The following ANO1 variants were observed in gnomAD, a reference collection of about 807,000 sequenced individuals.
The protein encoded by ANO1 is anoctamin-1.
ANO1 carries 59 observed loss-of-function variants against 124.0 expected under a neutral mutation model. The observed-to-expected ratio is 0.48, with a 90% CI of 0.39 to 0.59. The LOEUF (loss-of-function observed/expected upper bound fraction) is 0.59, where lower values mean the gene tolerates loss of function less well. ANO1 is among the 20% of genes least tolerant of loss of function. The pLI, the probability that ANO1 is intolerant of heterozygous loss-of-function variation, is 0.00. For synonymous variants in ANO1, 529 were observed against 532.0 expected (o/e 0.99, Z 0.08); for missense variants, 1,059 against 1,328.0 (o/e 0.80, Z 3.15).
At chr11:70,103,768 G>C (rs542767166) in intron 3 of ANO1, among the ~76,000 whole-genome samples, 1 of 152,296 alleles carries the variant, frequency 6.6e-6, no homozygotes, top group Admixed American at 6.5e-5. Context: ...GTTTAGCGGG[G>C]AAGTTCTCTG....
At chr11:70,072,484 A>C (rs1051830463) in intron 1 of ANO1, 4 of 152,228 alleles carry the variant, frequency 2.6e-5, no homozygotes, top group Admixed American at 6.5e-5. Flanking sequence ...AGGGTTTTGC[A>C]GGAAAGCGTC....
In ANO1 at chr11:70,161,369, G is replaced by A; in HGVS notation, c.1780+7G>A. ...CGATGGCTCACCAAGATCGGTGAGTGCCCATGTTCCAGGTACTGTGGCCTG... is the reference window on the plus strand; with the variant it reads ...CGATGGCTCACCAAGATCGGTGAGTACCCATGTTCCAGGTACTGTGGCCTG... On this transcript the variant is annotated splice_region_variant and intron_variant, in intron 17 of 25. Coordinates refer to ENST00000355303, the MANE Select transcript of ANO1 (RefSeq NM_018043.7). 6.2e-7 allele frequency: 1 copy of A among 1,613,268 alleles called. No individual in the cohort carries two copies. Among genetic ancestry groups the A allele is most frequent in the Non-Finnish European group, 8.5e-7 (1 of 1,179,350 alleles).
chr11:69,976,808 G>T, the ANO1 span, among the ~76,000 whole-genome samples: 43 of 152,226 alleles, frequency 2.8e-4, no homozygotes, highest in Admixed American at 2.8e-3. Context: ...AGTCACCTTG[G>T]CTGCCAGGCC....
intron 20 of ANO1, among the ~76,000 whole-genome samples, chr11:70,166,270 A>G (rs763670073): frequency 2.1e-4 from 32 of 152,344 alleles, no homozygotes; most frequent in Non-Finnish European, 3.5e-4. Context: ...GTGAGCCGAG[A>G]TCGCACCACT....
intron 22 of ANO1, among the ~76,000 whole-genome samples, chr11:70,172,170 T>C (rs2048504774): frequency 6.7e-6 from 1 of 148,600 alleles, no homozygotes; most frequent in African/African-American, 2.5e-5. Flanking sequence ...GTAACTTTAA[T>C]AGTCAGAGGT....
intron 2 of ANO1, among the ~76,000 whole-genome samples, chr11:70,090,591 T>C (rs924395124): frequency 1.3e-5 from 2 of 152,226 alleles, no homozygotes; most frequent in Non-Finnish European, 2.9e-5. Flanking sequence ...TGTCATATAT[T>C]ATTGTTCATA....
At chr11:70,024,692 A>G (rs1303213773) in intron 1 of ANO1, among the ~76,000 whole-genome samples, 3 of 152,172 alleles carry the variant, frequency 2.0e-5, no homozygotes, top group South Asian at 2.1e-4. Context: ...GTTCTTCGCC[A>G]CCACCACCAC....
At chr11:69,982,285 C>T (rs575990060), upstream of ANO1, among the ~76,000 whole-genome samples, 19 of 152,332 alleles carry the variant, frequency 1.2e-4, no homozygotes, top group African/African-American at 4.6e-4. Context: ...CCTGAACCTG[C>T]TACACTGGGC....
At chr11:70,143,796 A>C (rs1213669809) in intron 11 of ANO1, among the ~76,000 whole-genome samples, 1 of 152,246 alleles carries the variant, frequency 6.6e-6, no homozygotes, top group Non-Finnish European at 1.5e-5. Context: ...CATAAGGGGA[A>C]TCTACGCTCA....
intron 1 of ANO1, among the ~76,000 whole-genome samples, chr11:70,026,247 T>A (rs1004359288): frequency 1.3e-4 from 18 of 136,414 alleles, no homozygotes; most frequent in African/African-American, 4.5e-4. Flanking sequence ...GTGGTGGTGA[T>A]GACAATGATG....
In ANO1 at chr11:70,163,356, T is replaced by G. The variant is rs1217429787; in HGVS notation, c.1950+16T>G. 1 of 1,613,816 alleles carries G rather than the reference T, an allele frequency of 6.2e-7. No individual in the cohort carries two copies. Among genetic ancestry groups the G allele is most frequent in the Non-Finnish European group, 8.5e-7 (1 of 1,179,762 alleles). On this transcript the variant is annotated intron_variant, in intron 19 of 25. Transcript: ENST00000355303. ...AATGGAAGAGGTAACCGAAATTTTA[T>G]TCATCTCTGGCAGCCCCTTCTGTCT...
At chr11:70,100,421 G>C (rs1170311662) in intron 2 of ANO1, among the ~76,000 whole-genome samples, 1 of 152,204 alleles carries the variant, frequency 6.6e-6, no homozygotes, top group African/African-American at 2.4e-5. Flanking sequence ...ACCCAGCGAG[G>C]AGAGGAGGCC....
intron 1 of ANO1, among the ~76,000 whole-genome samples, chr11:70,061,088 G>A (rs1857563306): frequency 6.6e-6 from 1 of 152,076 alleles, no homozygotes; most frequent in Admixed American, 6.6e-5. Flanking sequence ...ATTGGGGTCT[G>A]GGACATTAAC....
At chr11:70,150,087 C>A (rs979300030) in intron 12 of ANO1, among the ~76,000 whole-genome samples, 7 of 152,224 alleles carry the variant, frequency 4.6e-5, no homozygotes, top group Non-Finnish European at 1.0e-4. Flanking sequence ...GGGCTCACCA[C>A]ACTGACCTCA....
At chr11:70,108,032 A>T (rs1462895361) in intron 5 of ANO1, among the ~76,000 whole-genome samples, 4 of 152,270 alleles carry the variant, frequency 2.6e-5, no homozygotes, top group African/African-American at 9.6e-5. Flanking sequence ...GCTGTGACAC[A>T]GGACACCAGC....
intron 1 of ANO1, among the ~76,000 whole-genome samples, chr11:70,013,775 C>G (rs993407541): frequency 1.2e-5 from 1 of 84,492 alleles, no homozygotes. Flanking sequence ...GCACTCCAGC[C>G]TGGGTGACAG....
chr11:70,142,546 G>A (rs2047196013), intron 11 of ANO1, among the ~76,000 whole-genome samples: 1 of 152,150 alleles, frequency 6.6e-6, no homozygotes, highest in African/African-American at 2.4e-5. Flanking sequence ...CACTCCCCAG[G>A]AGACCCCTCT....
At chr11:70,120,908 C>T (rs943500982) in intron 8 of ANO1, among the ~76,000 whole-genome samples, 5 of 152,096 alleles carry the variant, frequency 3.3e-5, no homozygotes. Context: ...TGGCTGGACG[C>T]CCCCCTGCCT....
At chr11:70,148,792 A>G (rs536333146) in intron 11 of ANO1, among the ~76,000 whole-genome samples, 82 of 152,304 alleles carry the variant, frequency 5.4e-4, no homozygotes, top group African/African-American at 1.9e-3. Flanking sequence ...CTGGGGGCCC[A>G]GGGGAACGAG....
Sources: gnomAD v4.1 joint callset for allele counts (sites outside exome capture counted in the v4.1 genomes callset) on GRCh38, gnomAD v4.1.1 for gene constraint, MANE v1.5 for transcripts, NCBI Gene and HGNC (gene_info 2026-07-23, HGNC 2026-07-21) for gene names.